EFCAB6: variants seen among roughly 807,000 people sequenced by gnomAD.
EFCAB6 encodes the protein EF-hand calcium-binding domain-containing protein 6.
In EFCAB6, 156 loss-of-function variants were observed where a neutral mutation model predicts 169.8. That is an observed-to-expected ratio of 0.92 (90% CI 0.81 to 1.05). The LOEUF (loss-of-function observed/expected upper bound fraction) is 1.05, where lower values mean the gene tolerates loss of function less well. Among genes scored for constraint, EFCAB6 ranks in the 50% least tolerant of loss-of-function variants. EFCAB6 has a pLI of 0.00. For synonymous variants in EFCAB6, 698 were observed against 676.4 expected, an observed-to-expected ratio of 1.03 and a Z score of -0.50; for missense variants, 1,800 against 1,829.1, an observed-to-expected ratio of 0.98 and a Z score of 0.29.
Position 43,572,107 on chromosome 22 carries a change from C to T in EFCAB6, c.3420+4190G>A, listed in dbSNP as rs150013295. 3.6e-3 allele frequency among the ~76,000 whole-genome samples: 541 copies of T among 152,252 alleles called. 1 individual carries two copies. The highest frequency in any genetic ancestry group is 0.01 in the Middle Eastern group (3 of 294). On this transcript the variant is annotated intron_variant, in intron 26 of 31. Transcript: ENST00000262726. The surrounding 1 kb of genome is among the most constrained non-coding windows in gnomAD (Gnocchi z 4.0). ...AGGGACAGTGCCACCTCTGCATCCA[C>T]GGTTCCTAGTCCACCGTGGTTAGTC...
At chr22:43,793,973 C>T (rs896762721) in intron 2 of EFCAB6, among the ~76,000 whole-genome samples, 5 of 152,064 alleles carry the variant, frequency 3.3e-5, no homozygotes, top group Non-Finnish European at 4.4e-5. Context: ...AGCTTTAAAA[C>T]GGTGGTTCTC....
rs186538640 is a variant in EFCAB6, at chr22:43,773,585, C to T, written c.140-482G>A. Among the ~76,000 whole-genome samples, 963 of 152,358 alleles carry T rather than the reference C, an allele frequency of 6.3e-3. 14 individuals are homozygous for T. Among genetic ancestry groups the T allele is most frequent in the African/African-American group, 0.022 (916 of 41,588 alleles). On this transcript the variant is annotated intron_variant, in intron 3 of 31. Transcript: ENST00000262726. ...TCCGAGGGCTGGGCACGGTGGCTCA[C>T]GCCTGTAATCCCAGCACTTTGGGAG...
At chr22:43,732,098 G>A (rs1417361150) in intron 7 of EFCAB6, among the ~76,000 whole-genome samples, 1 of 152,180 alleles carries the variant, frequency 6.6e-6, no homozygotes. Context: ...CAGCACCTAA[G>A]GAGTTTCTCC....
chr22:43,535,161 A>G, intron 29 of EFCAB6: 1 of 333,690 alleles, frequency 3.0e-6, no homozygotes, highest in East Asian at 6.3e-5. Flanking sequence ...ACAGAGAGGG[A>G]GGTAAGGGGG....
At position 43,540,144 on chromosome 22, in the gene EFCAB6, A is replaced by T; in HGVS notation, c.3862T>A (p.Ser1288Thr). 6.2e-7 allele frequency: 1 copy of T among 1,614,086 alleles called. No individual in the cohort carries two copies. ...GAACTCACACAGGGGTGGCTCTGCG[A>T]CTTTGACCCTGGTCTCAGCTCCTGA... ...PTQELRPGSK[S>T]QSHPCTPAST... is the part of the protein sequence containing the mutation. Residue 1288 changes from serine to threonine, a missense_variant, in exon 28 of 32, where the codon TCG (serine) becomes ACG (threonine). By Grantham distance (58) the Ser-to-Thr change is moderately conservative. Coordinates refer to ENST00000262726, the MANE Select transcript of EFCAB6 (RefSeq NM_022785.4).
At chr22:43,713,131 C>G (rs969899279) in intron 9 of EFCAB6, among the ~76,000 whole-genome samples, 3 of 152,066 alleles carry the variant, frequency 2.0e-5, no homozygotes, top group Non-Finnish European at 4.4e-5. Flanking sequence ...TATTCTCTCT[C>G]ATAACACCCT....
chr22:43,706,149 G>A (rs1003650170), intron 10 of EFCAB6, among the ~76,000 whole-genome samples: 6 of 152,212 alleles, frequency 3.9e-5, no homozygotes, highest in Admixed American at 6.5e-5. Flanking sequence ...ACTGAATCAC[G>A]AAGAAACAGA....
At chr22:43,549,195 T>A (rs2048245944) in intron 27 of EFCAB6, among the ~76,000 whole-genome samples, 1 of 152,152 alleles carries the variant, frequency 6.6e-6, no homozygotes, top group Non-Finnish European at 1.5e-5. Flanking sequence ...AAGCTTTGTC[T>A]AACTTAAACT....
chr22:43,610,608 C>G (rs954706598), intron 21 of EFCAB6, among the ~76,000 whole-genome samples: 1 of 152,150 alleles, frequency 6.6e-6, no homozygotes, highest in African/African-American at 2.4e-5. Context: ...GTGCTGGCTC[C>G]TGGTCTAAGA....
In EFCAB6 at chr22:43,537,403, C is replaced by T; in HGVS notation, c.4022G>A (p.Gly1341Glu). ...CAGGAAATCGGAGGCGTTGATGTCCCCCTGTCTGGCCACGTCCTTCTCCTT... is the reference window on the plus strand; with the variant it reads ...CAGGAAATCGGAGGCGTTGATGTCCTCCTGTCTGGCCACGTCCTTCTCCTT... ...ECKEKDVARQ[G>E]DINASDFLAL... The change falls in exon 29 of 32, where the codon GGG (glycine) becomes GAG (glutamate). Residue 1341 changes from glycine to glutamate, a missense_variant. Physicochemically the swap from Gly to Glu is moderately conservative, Grantham distance 98 (BLOSUM62 -2). Transcript: ENST00000262726. The surrounding 1 kb of genome is among the most constrained non-coding windows in gnomAD (Gnocchi z 4.3). 1 of 1,614,056 alleles carries T rather than the reference C, an allele frequency of 6.2e-7. No homozygotes were observed. Among genetic ancestry groups the T allele is most frequent in the African/African-American group, 1.3e-5 (1 of 75,018 alleles).
At position 43,634,730 on chromosome 22, in the gene EFCAB6, C is replaced by T. The variant is rs563093905; in HGVS notation, c.2098+372G>A. ...TATAATCTCTGCAACCTTCTCTGTC[C>T]ACAGGGAGGAATAATATTCGTGTTG... On this transcript the variant is annotated intron_variant, in intron 18 of 31. Coordinates refer to ENST00000262726, the MANE Select transcript of EFCAB6 (RefSeq NM_022785.4). Among the ~76,000 whole-genome samples, 8 of 152,170 alleles carry T rather than the reference C, an allele frequency of 5.3e-5. No homozygotes were observed. The South Asian group carries it at 1.7e-3, about 32-fold the overall frequency.
intron 6 of EFCAB6, among the ~76,000 whole-genome samples, chr22:43,750,991 T>C (rs980912660): frequency 2.6e-5 from 4 of 152,184 alleles, no homozygotes; most frequent in Non-Finnish European, 5.9e-5. Flanking sequence ...ACAGACACGC[T>C]TGTCACAGCC....
chr22:43,615,978 CT>C (rs1305959491), intron 20 of EFCAB6, 56 bp from the exon 21 acceptor site: 1 of 1,436,344 alleles, frequency 7.0e-7, no homozygotes, highest in African/African-American at 1.4e-5. Context: ...GCTCATTAAT[CT>C]CCCAAGGGGT....
At chr22:43,605,286 G>T (rs1348543863) in intron 22 of EFCAB6, among the ~76,000 whole-genome samples, 1 of 152,188 alleles carries the variant, frequency 6.6e-6, no homozygotes, top group African/African-American at 2.4e-5. Flanking sequence ...TTAAAGCAAA[G>T]ATGATAACGA....
intron 22 of EFCAB6, among the ~76,000 whole-genome samples, chr22:43,603,173 G>C (rs772963176): frequency 1.3e-5 from 2 of 152,122 alleles, no homozygotes; most frequent in African/African-American, 4.8e-5. Flanking sequence ...GAATGAAAAG[G>C]CATTCTTAAT....
intron 12 of EFCAB6, among the ~76,000 whole-genome samples, chr22:43,682,278 T>C (rs2058035532): frequency 6.6e-6 from 1 of 152,136 alleles, no homozygotes; most frequent in African/African-American, 2.4e-5. Flanking sequence ...CATTAATCAT[T>C]TGTGTGCTTA....
At chr22:43,604,015 C>G (rs2147571165) in intron 22 of EFCAB6, among the ~76,000 whole-genome samples, 1 of 152,200 alleles carries the variant, frequency 6.6e-6, no homozygotes, top group Non-Finnish European at 1.5e-5. Flanking sequence ...GTGTGGCACC[C>G]CCCACCACCT....
At chr22:43,713,622 T>C (rs2059233586) in intron 9 of EFCAB6, among the ~76,000 whole-genome samples, 1 of 152,138 alleles carries the variant, frequency 6.6e-6, no homozygotes, top group Non-Finnish European at 1.5e-5. Flanking sequence ...ACAACTCCAC[T>C]CCTAGGTGTA....
In EFCAB6 at chr22:43,735,838, C is replaced by A. The variant is rs781532841; in HGVS notation, c.644+19G>T. Reference sequence around the variant, plus strand: ...AAAGTTCTACTGAGCAATCTCTCACCGTGCCTTCATTTGCTTACTTTTCGT... The same window carrying A: ...AAAGTTCTACTGAGCAATCTCTCACAGTGCCTTCATTTGCTTACTTTTCGT... On this transcript the variant is annotated intron_variant, in intron 7 of 31. Transcript: ENST00000262726. 1.2e-6 allele frequency: 2 copies of A among 1,611,324 alleles called. No individual in the cohort carries two copies. Among genetic ancestry groups the A allele is most frequent in the South Asian group, 2.2e-5 (2 of 90,312 alleles).
Sources: allele counts gnomAD v4.1 joint callset (sites outside exome capture counted in the v4.1 genomes callset), GRCh38; gene constraint gnomAD v4.1.1; non-coding constraint Gnocchi (gnomAD v3.1); transcripts MANE v1.5; gene names NCBI Gene and HGNC (gene_info 2026-07-23, HGNC 2026-07-21).